Variants in ACTMAP observed in about 807,000 individuals in gnomAD.
The protein encoded by ACTMAP is actin maturation protease.
chr19:40,741,664 A>C, the ACTMAP span: 1 of 452,180 alleles, frequency 2.2e-6, no homozygotes, highest in Non-Finnish European at 4.5e-6. Context: ...AGCCTGGCTG[A>C]GATACTGACT....
chr19:40,749,860 C>CGGAG, the ACTMAP span: 1 of 1,229,534 alleles, frequency 8.1e-7, no homozygotes, highest in Non-Finnish European at 1.1e-6. Context: ...AAGGATCCTC[C>CGGAG]AACGGAGAAC....
the ACTMAP span, among the ~76,000 whole-genome samples, chr19:40,747,718 T>C: frequency 3.6e-4 from 54 of 151,916 alleles, no homozygotes; most frequent in African/African-American, 1.3e-3. Flanking sequence ...TACAAAAAAC[T>C]AGCCGGGCAT....
chr19:40,743,669 G>C, the ACTMAP span, among the ~76,000 whole-genome samples: 1 of 152,196 alleles, frequency 6.6e-6, no homozygotes, highest in Non-Finnish European at 1.5e-5. Flanking sequence ...ACAGAGCCTA[G>C]AAGAGGCTGT....
chr19:40,743,986 C>T, the ACTMAP span: 2 of 1,613,914 alleles, frequency 1.2e-6, no homozygotes, highest in Non-Finnish European at 1.7e-6. Context: ...CTGGTGCTGG[C>T]ATTAAGGTAA....
chr19:40,741,525 C>T, the ACTMAP span: 1 of 355,376 alleles, frequency 2.8e-6, no homozygotes, highest in Non-Finnish European at 5.6e-6. Context: ...CCAGACAGGC[C>T]TGTTCCTCCT....
the ACTMAP span, chr19:40,742,873 C>G: frequency 8.7e-7 from 1 of 1,155,350 alleles, no homozygotes; most frequent in Non-Finnish European, 1.2e-6. Context: ...GTGGGTGCAG[C>G]TGCCATTCCT....
At chr19:40,742,805 C>A in the ACTMAP span, 1 of 1,564,300 alleles carries the variant, frequency 6.4e-7, no homozygotes, top group Non-Finnish European at 8.7e-7. Context: ...GTGGCAGTGA[C>A]TGAGCCAGGA....
the ACTMAP span, chr19:40,749,412 C>A: frequency 4.2e-6 from 6 of 1,428,190 alleles, no homozygotes; most frequent in South Asian, 2.7e-5. Context: ...GAACCCCCCC[C>A]CCACCCCAAG....
At chr19:40,749,583 C>CCGAAGACATGA in the ACTMAP span, 1 of 1,551,242 alleles carries the variant, frequency 6.4e-7, no homozygotes, top group Admixed American at 2.0e-5. Flanking sequence ...CTTCTCCAGG[C>CCGAAGACATGA]CGAAGACATG....
chr19:40,744,706 T>G, the ACTMAP span: 2 of 1,590,632 alleles, frequency 1.3e-6, no homozygotes, highest in Non-Finnish European at 1.7e-6. Context: ...AGGCCCAGCC[T>G]GTCAATCCTA....
chr19:40,741,131 C>T, the ACTMAP span: 1 of 399,746 alleles, frequency 2.5e-6, no homozygotes, highest in Admixed American at 4.3e-5. Context: ...CCTCTTTACC[C>T]TGATCACTGG....
At chr19:40,741,969 G>A in the ACTMAP span, 11 of 439,926 alleles carry the variant, frequency 2.5e-5, no homozygotes, top group African/African-American at 1.0e-4. Context: ...GGAGTGATCC[G>A]CAGCAGAGGG....
At chr19:40,748,751 A>G in the ACTMAP span, among the ~76,000 whole-genome samples, 1 of 152,160 alleles carries the variant, frequency 6.6e-6, no homozygotes, top group African/African-American at 2.4e-5. Flanking sequence ...TGAATAGAAC[A>G]TGTCCTCATT....
chr19:40,748,708 C>A, the ACTMAP span, among the ~76,000 whole-genome samples: 1 of 152,206 alleles, frequency 6.6e-6, no homozygotes, highest in Non-Finnish European at 1.5e-5. Flanking sequence ...TTGCCACTTC[C>A]CCCGGCAAGT....
chr19:40,747,186 C>G, the ACTMAP span, among the ~76,000 whole-genome samples: 6 of 152,060 alleles, frequency 3.9e-5, no homozygotes, highest in Non-Finnish European at 7.4e-5. Context: ...ACTCAGAGCT[C>G]CTGGTTCCTA....
the ACTMAP span, chr19:40,749,375 T>G: frequency 5.1e-6 from 6 of 1,177,202 alleles, no homozygotes; most frequent in Non-Finnish European, 7.1e-6. Flanking sequence ...ACCTAAGTAG[T>G]CAGCCTGTTT....
the ACTMAP span, among the ~76,000 whole-genome samples, chr19:40,746,465 T>A: frequency 6.6e-6 from 1 of 152,134 alleles, no homozygotes; most frequent in East Asian, 1.9e-4. Context: ...AAGCTCTGCC[T>A]CCCGGGTTCA....
the ACTMAP span, among the ~76,000 whole-genome samples, chr19:40,745,528 T>C: frequency 3.3e-5 from 5 of 152,198 alleles, no homozygotes; most frequent in African/African-American, 7.2e-5. Context: ...ACTCTTTTTC[T>C]TGCTCTGTTG....
At chr19:40,744,634 T>TG in the ACTMAP span, 40 of 1,613,516 alleles carry the variant, frequency 2.5e-5, no homozygotes, top group East Asian at 8.2e-4. Flanking sequence ...GGGACGCCAC[T>TG]GGGGGGCGAC....
Sources: gnomAD v4.1 joint callset for allele counts (sites outside exome capture counted in the v4.1 genomes callset) on GRCh38, gnomAD v4.1.1 for gene constraint, MANE v1.5 for transcripts, NCBI Gene and HGNC (gene_info 2026-07-23, HGNC 2026-07-21) for gene names.